CTR9: variants seen among roughly 807,000 people sequenced by gnomAD.
CTR9 encodes CTR9 component of Paf1/RNA polymerase II complex, also known as RNA polymerase-associated protein CTR9 homolog.
CTR9 carries 41 observed loss-of-function variants against 152.1 expected under a neutral mutation model. The ratio of observed to expected loss-of-function variants is 0.27; its 90% CI spans 0.21 to 0.35. The LOEUF is 0.35. Among genes scored for constraint, CTR9 ranks in the 10% least tolerant of loss-of-function variants. The probability of loss-of-function intolerance (pLI) is 1.00; values close to 1 mark genes in which losing one functional copy is unlikely to be tolerated. For missense variants in CTR9, 917 were observed against 1,424.4 expected (o/e 0.64, Z 5.73); for synonymous variants, 476 against 496.2 (o/e 0.96, Z 0.54).
rs1454244343 is a variant in CTR9, at chr11:10,779,351, A to G, written c.*246A>G. On this transcript the variant is annotated 3_prime_UTR_variant, in exon 25 of 25. Transcript: ENST00000361367. ...TCCACCTATCATATGTGAAAACTGC[A>G]GTAAAAATAAACCCAGATGCTAAAT... 6 of 420,324 alleles carry G rather than the reference A, an allele frequency of 1.4e-5. No individual in the cohort carries two copies. In the East Asian group the frequency reaches 2.6e-4, roughly 18 times the overall value. 26.0% of individuals were successfully genotyped at this position (420,324 alleles called of 1,614,324 possible).
At chr11:10,759,890 T>C (rs1862949592) in intron 5 of CTR9, among the ~76,000 whole-genome samples, 1 of 152,198 alleles carries the variant, frequency 6.6e-6, no homozygotes, top group South Asian at 2.1e-4. Context: ...AAATTGAAGG[T>C]ATGGTTAGCA....
chr11:10,775,670 G>T (rs751434778), intron 24 of CTR9, 37 bp downstream of exon 24: 9 of 1,388,808 alleles, frequency 6.5e-6, no homozygotes, highest in Admixed American at 3.6e-5. Context: ...TTCTCATGAT[G>T]TAGATAAATC....
chr11:10,766,884 C>A (rs961485321), intron 13 of CTR9, among the ~76,000 whole-genome samples: 1 of 152,174 alleles, frequency 6.6e-6, no homozygotes, highest in Non-Finnish European at 1.5e-5. Flanking sequence ...TAGCTATGGT[C>A]ATCTAAACGT....
intron 22 of CTR9, among the ~76,000 whole-genome samples, chr11:10,774,820 A>T (rs1183741112): frequency 6.6e-6 from 1 of 152,208 alleles, no homozygotes; most frequent in Non-Finnish European, 1.5e-5. Context: ...GACTTGTGGA[A>T]TTGAAGCTGT....
At chr11:10,777,664 C>A (rs1294285933) in intron 24 of CTR9, among the ~76,000 whole-genome samples, 1 of 152,182 alleles carries the variant, frequency 6.6e-6, no homozygotes, top group East Asian at 1.9e-4. Flanking sequence ...TTTGTTTGAG[C>A]CACTTGCATC....
At chr11:10,752,174 C>T (rs767385373) in intron 1 of CTR9, among the ~76,000 whole-genome samples, 1 of 152,084 alleles carries the variant, frequency 6.6e-6, no homozygotes, top group Non-Finnish European at 1.5e-5. Flanking sequence ...ATAGTCATTA[C>T]CTCTAATTCC....
At chr11:10,776,879 A>G (rs760295244) in intron 24 of CTR9, among the ~76,000 whole-genome samples, 48 of 150,256 alleles carry the variant, frequency 3.2e-4, no homozygotes, top group Non-Finnish European at 5.6e-4. Context: ...AGGCTGAGGG[A>G]CAAGAATCAC....
intron 4 of CTR9, among the ~76,000 whole-genome samples, chr11:10,756,246 T>G (rs550010964): frequency 3.8e-4 from 58 of 152,258 alleles, no homozygotes; most frequent in Non-Finnish European, 7.9e-4. Flanking sequence ...ATTATTACTT[T>G]ATAACATTTT....
rs541010522 is a variant in CTR9, at chr11:10,763,007, C to A, written c.850-424C>A. Among the ~76,000 whole-genome samples the A allele has an allele frequency of 6.5e-3, 737 of 114,024 alleles. 17 individuals carry two copies. The highest frequency in any genetic ancestry group is 0.038 in the Admixed American group (442 of 11,552). 74.8% of individuals were successfully genotyped at this position (114,024 alleles called of 152,430 possible). The stretch of plus-strand genomic sequence containing the variant: ...CATGCAACAGAGTGAGACCCTGTCT[C>A]AAAAAAAAAAAAAAGTGCGCTTTAT... On this transcript the variant is annotated intron_variant, in intron 7 of 24. Coordinates refer to ENST00000361367, the MANE Select transcript of CTR9 (RefSeq NM_014633.5).
At chr11:10,768,269 T>C in intron 15 of CTR9, 74 bp from the exon 16 acceptor site, 1 of 1,575,684 alleles carries the variant, frequency 6.3e-7, no homozygotes, top group Admixed American at 1.8e-5. Context: ...GTAGTTGTTT[T>C]AAAATAGAAT....
chr11:10,758,579 T>A (rs1427232658), intron 5 of CTR9, among the ~76,000 whole-genome samples: 1 of 152,220 alleles, frequency 6.6e-6, no homozygotes, highest in Admixed American at 6.5e-5. Context: ...CTGAAAAGTT[T>A]GAAATACCTT....
At position 10,763,634 on chromosome 11, in the gene CTR9, A is replaced by G; in HGVS notation, c.958-9A>G. Reference sequence around the variant, plus strand: ...TACATATTGGTCTTTTTTAATTTTCATTCTTTAGGAAGATTATGACCAAGC... The same window carrying G: ...TACATATTGGTCTTTTTTAATTTTCGTTCTTTAGGAAGATTATGACCAAGC... On this transcript the variant is annotated splice_polypyrimidine_tract_variant and intron_variant, in intron 8 of 24. Transcript: ENST00000361367. 6.3e-7 allele frequency: 1 copy of G among 1,586,344 alleles called. No individual in the cohort carries two copies. The highest frequency in any genetic ancestry group is 1.9e-5 in the Admixed American group (1 of 52,320).
At chr11:10,765,437 G>A (rs1269234230) in intron 12 of CTR9, among the ~76,000 whole-genome samples, 2 of 152,042 alleles carry the variant, frequency 1.3e-5, no homozygotes, top group Non-Finnish European at 2.9e-5. Context: ...TTTGACTCTA[G>A]TAAATCAGGA....
In CTR9 at chr11:10,767,938, C is replaced by G; in HGVS notation, c.1819C>G (p.Leu607Val). Residue 607 changes from leucine (L) to valine (V), a missense_variant, in exon 14 of 25, where the codon CTT becomes GTT. Transcript: ENST00000361367. The surrounding 1 kb of genome is among the most constrained non-coding windows in gnomAD (Gnocchi z 4.0). ...GAGTGATACCTATTCTATGCTAGCCCTTGGCAACGTGTGGCTCCAAACTTT... is the reference window on the plus strand; with the variant it reads ...GAGTGATACCTATTCTATGCTAGCCGTTGGCAACGTGTGGCTCCAAACTTT... ...TQSDTYSMLALGNVWLQTLHQ... is the reference protein window; with the variant it reads ...TQSDTYSMLAVGNVWLQTLHQ... The G allele has an allele frequency of 6.2e-7, 1 of 1,614,122 alleles. No homozygotes were observed. The highest frequency in any genetic ancestry group is 8.5e-7 in the Non-Finnish European group (1 of 1,180,010).
Position 10,756,820 on chromosome 11 carries a change from A to T in CTR9, c.574A>T (p.Thr192Ser). Reference protein sequence around the residue: ...ALAYYKKALRTNPGCPAEVRL... With the variant: ...ALAYYKKALRSNPGCPAEVRL... ...TGCTTACTATAAGAAAGCATTGCGT[A>T]CTAACCCAGGATGTCCAGGTAAGAG... Residue 192 changes from threonine (T) to serine (S), a missense_variant, in exon 5 of 25, where the codon ACT becomes TCT. This residue lies in a region of CTR9 where 110 missense variants were observed against 149.5 expected (regional missense o/e 0.74). Coordinates refer to ENST00000361367, the MANE Select transcript of CTR9 (RefSeq NM_014633.5). 6.2e-7 allele frequency: 1 copy of T among 1,612,732 alleles called. No individual in the cohort carries two copies. Among genetic ancestry groups the T allele is most frequent in the Non-Finnish European group, 8.5e-7 (1 of 1,179,202 alleles).
intron 5 of CTR9, among the ~76,000 whole-genome samples, chr11:10,758,353 T>A (rs1157148607): frequency 6.6e-6 from 1 of 152,034 alleles, no homozygotes; most frequent in East Asian, 1.9e-4. Context: ...GACAGGCAGG[T>A]CAGAGGTGAT....
intron 5 of CTR9, among the ~76,000 whole-genome samples, chr11:10,757,419 C>G (rs1862902896): frequency 6.6e-6 from 1 of 152,082 alleles, no homozygotes; most frequent in South Asian, 2.1e-4. Flanking sequence ...GGGAGACCCC[C>G]ATCTCTACAG....
At position 10,779,413 on chromosome 11, in the gene CTR9, G is replaced by A; in HGVS notation, c.*308G>A. 3.8e-6 allele frequency: 1 copy of A among 264,828 alleles called. No homozygotes were observed. The highest frequency in any genetic ancestry group is 7.2e-6 in the Non-Finnish European group (1 of 138,070). 16.4% of individuals were successfully genotyped at this position (264,828 alleles called of 1,614,324 possible). A position where few individuals can be genotyped will look rare whatever the true frequency, so the allele number is the denominator to read the frequency against. On this transcript the variant is annotated 3_prime_UTR_variant, in exon 25 of 25. Coordinates refer to ENST00000361367, the MANE Select transcript of CTR9 (RefSeq NM_014633.5). ...AGGTTTGACTGAAACTGTGGCAGAT[G>A]TCTCATCTTCTTTATATGTTAAGCA...
chr11:10,779,023 C>G lies in CTR9; in HGVS notation c.3440C>G (p.Ser1147Cys), dbSNP rs1863289028. 2 of 1,614,118 alleles carry G rather than the reference C, an allele frequency of 1.2e-6. No individual in the cohort carries two copies. Among genetic ancestry groups the G allele is most frequent in the South Asian group, 2.2e-5 (2 of 91,078 alleles). The change falls in exon 25 of 25, where the codon TCT (serine) becomes TGT (cysteine). Residue 1147 changes from serine to cysteine, a missense_variant. Around this residue, in one of 9 missense-constraint regions of CTR9, gnomAD observed 384 missense variants for 398.4 expected, o/e 0.96. Transcript: ENST00000361367. ...GSDNEGSGQGSGNESEPEGSN... is the reference protein window; with the variant it reads ...GSDNEGSGQGCGNESEPEGSN... ...GATAATGAGGGTTCTGGCCAAGGCT[C>G]TGGAAATGAATCGGAACCAGAGGGA...
Sources: gnomAD v4.1 joint callset for allele counts (sites outside exome capture counted in the v4.1 genomes callset) on GRCh38, gnomAD v4.1.1 for gene constraint, gnomAD v4.1.1 regional missense constraint, Gnocchi (gnomAD v3.1) non-coding constraint, MANE v1.5 for transcripts, NCBI Gene and HGNC (gene_info 2026-07-23, HGNC 2026-07-21) for gene names.